ADAM18: variants seen among roughly 807,000 people sequenced by gnomAD.
ADAM18 encodes ADAM metallopeptidase domain 18.
ADAM18 carries 117 observed loss-of-function variants against 94.4 expected under a neutral mutation model. The observed-to-expected ratio is 1.24, with a 90% CI of 1.07 to 1.45. The LOEUF is 1.45. Among genes scored for constraint, ADAM18 ranks in the 40% most tolerant of loss-of-function variants. ADAM18 has a pLI of 0.00. For synonymous variants in ADAM18, 327 were observed against 291.6 expected (o/e 1.12, Z -1.24); for missense variants, 936 against 880.0 (o/e 1.06, Z -0.81).
chr8:39,662,971 G>T (rs376471133), intron 12 of ADAM18, among the ~76,000 whole-genome samples: 2 of 152,054 alleles, frequency 1.3e-5, no homozygotes, highest in Non-Finnish European at 1.5e-5. Flanking sequence ...AAAAATAATA[G>T]GTATAGTCTT....
chr8:39,635,494 C>A (rs1281917939), intron 7 of ADAM18, among the ~76,000 whole-genome samples: 1 of 152,068 alleles, frequency 6.6e-6, no homozygotes, highest in African/African-American at 2.4e-5. Context: ...AGTAAAGATT[C>A]TTTTCACAAC....
At chr8:39,601,385 T>A (rs1428459760) in intron 2 of ADAM18, among the ~76,000 whole-genome samples, 2 of 152,164 alleles carry the variant, frequency 1.3e-5, no homozygotes, top group African/African-American at 4.8e-5. Context: ...CACATTTGAG[T>A]TTTTCATGCA....
chr8:39,655,116 G>A (rs920328778), intron 12 of ADAM18, among the ~76,000 whole-genome samples: 7 of 151,670 alleles, frequency 4.6e-5, no homozygotes, highest in African/African-American at 7.3e-5. Context: ...CCAATTTCCC[G>A]TAGTGTTTCC....
intron 19 of ADAM18, among the ~76,000 whole-genome samples, chr8:39,724,472 T>A (rs1156834478): frequency 6.6e-6 from 1 of 151,882 alleles, no homozygotes; most frequent in Non-Finnish European, 1.5e-5. Flanking sequence ...TCAGACCGGT[T>A]AAAGGTTTGT....
chr8:39,657,153 A>G (rs1820706549), intron 12 of ADAM18, among the ~76,000 whole-genome samples: 1 of 152,230 alleles, frequency 6.6e-6, no homozygotes, highest in South Asian at 2.1e-4. Context: ...ATGCTGCACA[A>G]AACAAAGTGG....
chr8:39,594,612 T>C (rs1480905392), intron 2 of ADAM18, among the ~76,000 whole-genome samples: 2 of 151,762 alleles, frequency 1.3e-5, no homozygotes, highest in African/African-American at 4.8e-5. Context: ...TTTATGGGTC[T>C]TTTTTTTCAT....
intron 16 of ADAM18, among the ~76,000 whole-genome samples, chr8:39,688,606 A>T (rs1347897747): frequency 6.6e-6 from 1 of 152,166 alleles, no homozygotes; most frequent in Non-Finnish European, 1.5e-5. Context: ...GTGTATATGT[A>T]GCACATTTTC....
chr8:39,673,568 T>C (rs916801968), intron 14 of ADAM18, among the ~76,000 whole-genome samples: 9 of 151,838 alleles, frequency 5.9e-5, no homozygotes, highest in Admixed American at 4.6e-4. Context: ...ACATGCAGTG[T>C]CTGGTTTTCT....
intron 19 of ADAM18, among the ~76,000 whole-genome samples, chr8:39,724,636 GT>G (rs1822850350): frequency 6.6e-6 from 1 of 151,462 alleles, no homozygotes; most frequent in African/African-American, 2.4e-5. Flanking sequence ...TCTAGTAGTT[GT>G]AAGGCCAATG....
At chr8:39,693,491 C>G (rs1233612931) in intron 17 of ADAM18, among the ~76,000 whole-genome samples, 4 of 150,876 alleles carry the variant, frequency 2.7e-5, no homozygotes, top group African/African-American at 7.3e-5. Context: ...TACAATATCT[C>G]AACACAAAGT....
chr8:39,629,569 T>A, intron 7 of ADAM18, 130 bp downstream of exon 7: 2 of 586,414 alleles, frequency 3.4e-6, no homozygotes, highest in Non-Finnish European at 5.8e-6. Flanking sequence ...ATTGTCTCCT[T>A]ATTTTCTCCC....
intron 6 of ADAM18, among the ~76,000 whole-genome samples, chr8:39,622,668 T>C (rs1263679211): frequency 6.6e-6 from 1 of 152,110 alleles, no homozygotes; most frequent in Non-Finnish European, 1.5e-5. Context: ...ATCAAACTTA[T>C]TAATTTTTCA....
At chr8:39,678,326 G>A (rs1452686117) in intron 15 of ADAM18, among the ~76,000 whole-genome samples, 1 of 152,194 alleles carries the variant, frequency 6.6e-6, no homozygotes, top group Non-Finnish European at 1.5e-5. Context: ...GATGAGAAAT[G>A]GATGAAGAAG....
intron 10 of ADAM18, among the ~76,000 whole-genome samples, chr8:39,640,498 T>C (rs1001338724): frequency 4.6e-5 from 7 of 152,214 alleles, no homozygotes; most frequent in African/African-American, 1.7e-4. Context: ...AATGTGTGCA[T>C]GTGTCTTTAT....
chr8:39,681,831 C>T (rs995946069), intron 16 of ADAM18, among the ~76,000 whole-genome samples: 8 of 152,026 alleles, frequency 5.3e-5, no homozygotes, highest in East Asian at 3.9e-4. Context: ...TTCTACAGTA[C>T]GTGGAAAGTA....
At chr8:39,627,894 T>C (rs940346005) in intron 6 of ADAM18, among the ~76,000 whole-genome samples, 5 of 152,086 alleles carry the variant, frequency 3.3e-5, no homozygotes, top group African/African-American at 1.2e-4. Context: ...TAGCATTTCT[T>C]CTAGGGCTGA....
intron 7 of ADAM18, among the ~76,000 whole-genome samples, 154 bp downstream of exon 7, chr8:39,629,593 C>T (rs1819875573): frequency 6.7e-6 from 1 of 150,042 alleles, no homozygotes; most frequent in East Asian, 1.9e-4. Flanking sequence ...CCTCTCTTTT[C>T]CTCCCCTCCC....
chr8:39,599,312 A>T (rs978921350), intron 2 of ADAM18, among the ~76,000 whole-genome samples: 4 of 152,220 alleles, frequency 2.6e-5, no homozygotes, highest in Non-Finnish European at 5.9e-5. Flanking sequence ...AAAAATAATT[A>T]TTTTATACAC....
At chr8:39,608,664 T>C (rs555272797) in intron 3 of ADAM18, among the ~76,000 whole-genome samples, 2 of 152,208 alleles carry the variant, frequency 1.3e-5, no homozygotes, top group East Asian at 3.9e-4. Context: ...TGTCATCTAA[T>C]TGCTAGTACT....
Sources: gnomAD v4.1 joint callset for allele counts (sites outside exome capture counted in the v4.1 genomes callset) on GRCh38, gnomAD v4.1.1 for gene constraint, MANE v1.5 for transcripts, NCBI Gene and HGNC (gene_info 2026-07-23, HGNC 2026-07-21) for gene names.